CACNA1B: variants seen among roughly 807,000 people sequenced by gnomAD.
CACNA1B encodes the protein voltage-dependent N-type calcium channel subunit alpha-1B.
CACNA1B carries 70 observed loss-of-function variants against 247.2 expected under a neutral mutation model. The ratio of observed to expected loss-of-function variants is 0.28; its 90% confidence interval spans 0.23 to 0.35. The LOEUF is 0.35. Ranked by LOEUF, CACNA1B falls within the 10% of genes least tolerant of loss-of-function variation. The pLI is 1.00. For synonymous variants in CACNA1B, 1,231 were observed against 1,294.4 expected, an observed-to-expected ratio of 0.95 and a Z score of 1.05; for missense variants, 2,367 against 3,197.4, an observed-to-expected ratio of 0.74 and a Z score of 6.26.
At chr9:137,976,046 C>T in intron 12 of CACNA1B, 27 bp downstream of exon 12, 1 of 1,345,314 alleles carries the variant, frequency 7.4e-7, no homozygotes, top group African/African-American at 1.4e-5. Context: ...ATCAGGGGCC[C>T]AGGCTGTATC....
chr9:137,896,888 C>T (rs761210486), intron 3 of CACNA1B, among the ~76,000 whole-genome samples: 1 of 152,196 alleles, frequency 6.6e-6, no homozygotes, highest in African/African-American at 2.4e-5. Context: ...TTTAGTCCAA[C>T]TCGTTGAATT....
chr9:138,008,731 G>C (rs1234984367), intron 16 of CACNA1B, among the ~76,000 whole-genome samples: 1 of 152,226 alleles, frequency 6.6e-6, no homozygotes, highest in East Asian at 1.9e-4. Flanking sequence ...GCTGGATCAC[G>C]TGGAGTGCAA....
Position 137,957,808 on chromosome 9 carries a change from T to G in CACNA1B, c.1333+121T>G, listed in dbSNP as rs1420291612. On this transcript the variant is annotated intron_variant, in intron 10 of 46. Coordinates refer to ENST00000371372, the MANE Select transcript of CACNA1B (RefSeq NM_000718.4). The surrounding 1 kb of genome is among the most constrained non-coding windows in gnomAD (Gnocchi z 4.7). ...CCTTCTTGCCCAAACGCCTGCAGGC[T>G]CCTTTCAGACAGTTTGCTGCTCCTG... 4.9e-6 allele frequency: 3 copies of G among 614,550 alleles called. No homozygotes were observed. Among genetic ancestry groups the G allele is most frequent in the Non-Finnish European group, 8.3e-6 (3 of 360,368 alleles). The allele number at this position is 614,550 out of a possible 1,614,324, so 38.1% of individuals were successfully genotyped here.
intron 9 of CACNA1B, 82 bp downstream of exon 9, chr9:137,956,909 T>G: frequency 1.7e-6 from 2 of 1,176,138 alleles, no homozygotes; most frequent in Non-Finnish European, 2.5e-6. Flanking sequence ...GCTTGCATGT[T>G]TCACGCGAAG....
intron 20 of CACNA1B, among the ~76,000 whole-genome samples, chr9:138,039,834 GT>G (rs1231954482): frequency 6.6e-6 from 1 of 151,958 alleles, no homozygotes; most frequent in Non-Finnish European, 1.5e-5. Flanking sequence ...TGAGCTCTGA[GT>G]TTTTTATATT....
chr9:138,023,954 TC>T, intron 19 of CACNA1B, 143 bp downstream of exon 19: 3 of 596,890 alleles, frequency 5.0e-6, no homozygotes, highest in Non-Finnish European at 9.0e-6. Flanking sequence ...GGGGCTGGGG[TC>T]TCTGCATGCC....
chr9:137,892,419 G>A (rs1281959243), intron 3 of CACNA1B: 1 of 450,514 alleles, frequency 2.2e-6, no homozygotes, highest in Admixed American at 2.4e-5. Flanking sequence ...CTGTGGCCAT[G>A]TGGCTGTTGC....
Position 137,954,879 on chromosome 9 carries a change from T to TGTGTGTGTGTGTGTGTGTGAGAGA in CACNA1B, c.1071-818_1071-817insTGTGTGTGTGTGTGTGTGAGAGAG, listed in dbSNP as rs1440887333. Among the ~76,000 whole-genome samples the TGTGTGTGTGTGTGTGTGTGAGAGA allele has an allele frequency of 6.9e-6, 1 of 145,194 alleles. No individual in the cohort carries two copies. The highest frequency in any genetic ancestry group is 2.2e-4 in the East Asian group (1 of 4,602). ...GCTTGTGTGTGTGTGTGTGTGTGTG[T>TGTGTGTGTGTGTGTGTGTGAGAGA]GAGAGAGAGAGAGAGAGAGAGAGGG... is the stretch of plus-strand genomic sequence containing the variant. On this transcript the variant is annotated intron_variant, in intron 7 of 46. Coordinates refer to ENST00000371372, the MANE Select transcript of CACNA1B (RefSeq NM_000718.4). The surrounding 1 kb of genome is among the most constrained non-coding windows in gnomAD (Gnocchi z 4.1).
intron 20 of CACNA1B, 129 bp from the exon 21 acceptor site, chr9:138,043,645 C>A: frequency 1.0e-6 from 1 of 970,008 alleles, no homozygotes; most frequent in Non-Finnish European, 1.6e-6. Context: ...TTCTTAGCTG[C>A]TTGCCCATCC....
At position 138,014,745 on chromosome 9, in the gene CACNA1B, G is replaced by T. The variant is rs1356071601; in HGVS notation, c.2267+1510G>T. 6.6e-6 allele frequency among the ~76,000 whole-genome samples: 1 copy of T among 152,000 alleles called. No individual in the cohort carries two copies. The highest frequency in any genetic ancestry group is 1.5e-5 in the Non-Finnish European group (1 of 67,938). Reference sequence around the variant, plus strand: ...TGCCTTCTCTGCTGTTCCTGGAGGCGAGCACTTGTCCCTTGACCCCTGCTG... The same window carrying T: ...TGCCTTCTCTGCTGTTCCTGGAGGCTAGCACTTGTCCCTTGACCCCTGCTG... On this transcript the variant is annotated intron_variant, in intron 18 of 46. Transcript: ENST00000371372. This position sits in a 1 kb window ranked among gnomAD's most constrained non-coding sequence, Gnocchi z 6.2.
intron 10 of CACNA1B, among the ~76,000 whole-genome samples, chr9:137,962,937 G>T (rs1014542204): frequency 2.6e-5 from 4 of 152,152 alleles, no homozygotes; most frequent in Non-Finnish European, 5.9e-5. Context: ...GAATGTCTTT[G>T]TTGATTTTCA....
chr9:137,935,782 CT>C (rs71387877), intron 6 of CACNA1B, among the ~76,000 whole-genome samples: 319 of 146,122 alleles, frequency 2.2e-3, no homozygotes, highest in Non-Finnish European at 1.9e-3. Context: ...CTGACTTTTT[CT>C]TTTTTTTTTT....
intron 10 of CACNA1B, among the ~76,000 whole-genome samples, chr9:137,969,118 G>A (rs1958115363): frequency 6.6e-6 from 1 of 152,220 alleles, no homozygotes; most frequent in African/African-American, 2.4e-5. Context: ...GGGAACAAAT[G>A]CATCTGTCTT....
rs1959161804 is a variant in CACNA1B at position 138,043,804 on chromosome 9, A to T, written c.3317A>T (p.Glu1106Val). The T allele has an allele frequency of 6.2e-7, 1 of 1,613,820 alleles. No homozygotes were observed. Among genetic ancestry groups the T allele is most frequent in the East Asian group, 2.2e-5 (1 of 44,854 alleles). The change falls in exon 21 of 47, where the codon GAG becomes GTG. Residue 1106 changes from glutamate (E) to valine (V), a missense_variant. By Grantham distance (121) the Glu-to-Val change is moderately radical. Transcript: ENST00000371372. ...AACGTGGACCTGGAAAGCCAAGCAG[A>T]GGGGAAGAAGGAGGTGGAAGCGGAT... is the stretch of plus-strand genomic sequence containing the variant. ...SGNVDLESQAEGKKEVEADDV... is the reference protein window; with the variant it reads ...SGNVDLESQAVGKKEVEADDV...
intron 6 of CACNA1B, among the ~76,000 whole-genome samples, chr9:137,933,211 G>T (rs1957627663): frequency 6.6e-6 from 1 of 152,104 alleles, no homozygotes; most frequent in East Asian, 1.9e-4. Context: ...GGGATTACAG[G>T]TGTGAGTTTT....
At chr9:138,003,440 G>A (rs569401428) in intron 15 of CACNA1B, among the ~76,000 whole-genome samples, 82 of 151,130 alleles carry the variant, frequency 5.4e-4, no homozygotes, top group South Asian at 1.0e-3. Flanking sequence ...ACTCCTGGCC[G>A]TGTGTGTTTG....
intron 38 of CACNA1B, among the ~76,000 whole-genome samples, chr9:138,103,457 T>A (rs1422444815): frequency 6.6e-6 from 1 of 152,090 alleles, no homozygotes; most frequent in Non-Finnish European, 1.5e-5. Flanking sequence ...TGCTGGAGGA[T>A]GGGGATGGCC....
Position 138,013,186 on chromosome 9 carries a change from G to C in CACNA1B, c.2218G>C (p.Glu740Gln), listed in dbSNP as rs1385562580. ...GAAGCTTGCTCTGCAAAAGGCCAAAGAAGTGGCTGAAGTCAGCCCCATGTC... is the reference window on the plus strand; with the variant it reads ...GAAGCTTGCTCTGCAAAAGGCCAAACAAGTGGCTGAAGTCAGCCCCATGTC... The part of the protein sequence containing the change: ...NQKLALQKAK[E>Q]VAEVSPMSAA... The change falls in exon 18 of 47, where the codon GAA becomes CAA. Residue 740 changes from glutamate to glutamine, a missense_variant. Glu to Gln is a conservative substitution (Grantham distance 29). This residue lies in a region of CACNA1B where 631 missense variants were observed against 631.1 expected (regional missense o/e 1.00). Transcript: ENST00000371372. The C allele has an allele frequency of 3.1e-6, 5 of 1,610,978 alleles. No homozygotes were observed. Among genetic ancestry groups the C allele is most frequent in the Non-Finnish European group, 4.2e-6 (5 of 1,178,540 alleles).
intron 25 of CACNA1B, among the ~76,000 whole-genome samples, chr9:138,053,396 C>G (rs1372975589): frequency 2.0e-5 from 3 of 152,198 alleles, no homozygotes; most frequent in Admixed American, 1.3e-4. Flanking sequence ...GCGGTGGAGC[C>G]TCTCTGTGGT....
Sources: gnomAD v4.1 joint callset for allele counts (sites outside exome capture counted in the v4.1 genomes callset) on GRCh38, gnomAD v4.1.1 for gene constraint, gnomAD v4.1.1 regional missense constraint, Gnocchi (gnomAD v3.1) non-coding constraint, MANE v1.5 for transcripts, NCBI Gene and HGNC (gene_info 2026-07-23, HGNC 2026-07-21) for gene names.